Variants in LGSN observed in about 807,000 individuals in gnomAD.
LGSN encodes the protein lengsin, lens protein with glutamine synthetase domain.
Under a neutral mutation model 19.5 loss-of-function variants are expected in LGSN, and 21 were observed. The ratio of observed to expected loss-of-function variants is 1.07; its 90% CI spans 0.76 to 1.55. The LOEUF (loss-of-function observed/expected upper bound fraction) is 1.55. LGSN is among the 40% of genes most tolerant of loss of function. The probability of loss-of-function intolerance (pLI) is 0.00; values close to 1 mark genes in which losing one functional copy is unlikely to be tolerated. For synonymous variants in LGSN, 257 were observed against 215.6 expected, an observed-to-expected ratio of 1.19 and a Z score of -1.68; for missense variants, 673 against 608.5, an observed-to-expected ratio of 1.11 and a Z score of -1.12.
the LGSN span, among the ~76,000 whole-genome samples, chr6:63,521,366 A>C: frequency 6.6e-6 from 1 of 152,216 alleles, no homozygotes; most frequent in Non-Finnish European, 1.5e-5. Context: ...AGTCAGACAG[A>C]TTTCAATTCA....
chr6:63,292,127 C>T (rs1767796230), intron 2 of LGSN, among the ~76,000 whole-genome samples: 1 of 152,262 alleles, frequency 6.6e-6, no homozygotes, highest in East Asian at 1.9e-4. Context: ...GAACTGGATT[C>T]TCTCAACAAT....
chr6:63,405,240 A>C, the LGSN span, among the ~76,000 whole-genome samples: 5 of 151,898 alleles, frequency 3.3e-5, no homozygotes, highest in African/African-American at 1.2e-4. Context: ...AGTCTTTGCT[A>C]TCGTGAATAG....
the LGSN span, among the ~76,000 whole-genome samples, chr6:63,476,325 C>G: frequency 6.6e-6 from 1 of 152,180 alleles, no homozygotes; most frequent in African/African-American, 2.4e-5. Context: ...TTGAAAAAAC[C>G]AGGACTGTTC....
intron 2 of LGSN, among the ~76,000 whole-genome samples, chr6:63,288,059 T>C (rs1435553968): frequency 6.6e-6 from 1 of 151,242 alleles, no homozygotes; most frequent in Non-Finnish European, 1.5e-5. Context: ...ACAAAATGTT[T>C]TTAAAAAAAC....
At chr6:63,412,718 GGAAAGAAAGAAAGAAAGAAA>G in the LGSN span, among the ~76,000 whole-genome samples, 3 of 54,750 alleles carry the variant, frequency 5.5e-5, no homozygotes, top group Non-Finnish European at 8.8e-5. Context: ...AGGGAAGGAA[GGAAAGAAAGAAAGAAAGAAA>G]GAAAGAAAGA....
At chr6:63,326,836 C>T in the LGSN span, among the ~76,000 whole-genome samples, 9 of 152,306 alleles carry the variant, frequency 5.9e-5, no homozygotes, top group East Asian at 1.2e-3. Flanking sequence ...ACGCCTCTCC[C>T]TCCACACCTC....
intron 2 of LGSN, among the ~76,000 whole-genome samples, chr6:63,292,147 C>T (rs1298322552): frequency 1.3e-5 from 2 of 152,178 alleles, no homozygotes; most frequent in African/African-American, 4.8e-5. Flanking sequence ...TCTGAATGAA[C>T]TTGTAAATGT....
chr6:63,320,899 C>T (rs1042450275), upstream of LGSN, among the ~76,000 whole-genome samples: 1 of 152,160 alleles, frequency 6.6e-6, no homozygotes, highest in Non-Finnish European at 1.5e-5. Flanking sequence ...TTCAAAAGCC[C>T]CATTTCCTAA....
At chr6:63,412,428 A>G in the LGSN span, among the ~76,000 whole-genome samples, 377 of 137,738 alleles carry the variant, frequency 2.7e-3, no homozygotes, top group African/African-American at 7.2e-3. Context: ...GAAAGAAAGA[A>G]AGAAAGAAAG....
chr6:63,285,575 T>C lies in LGSN; in HGVS notation c.330+12A>G, dbSNP rs184231222. ...ATGAAATTACATTTAGTCACAACTG[T>C]GTAAAACTCACTTGAAAAAAGTGTG... is the stretch of plus-strand genomic sequence containing the variant. On this transcript the variant is annotated intron_variant, in intron 3 of 3. Transcript: ENST00000370657. 2 of 1,605,402 alleles carry C rather than the reference T, an allele frequency of 1.2e-6. No homozygotes were observed. The highest frequency in any genetic ancestry group is 2.2e-5 in the East Asian group (1 of 44,786).
the LGSN span, among the ~76,000 whole-genome samples, chr6:63,462,662 T>C: frequency 6.6e-6 from 1 of 152,200 alleles, no homozygotes; most frequent in Non-Finnish European, 1.5e-5. Flanking sequence ...CTAAGAAGTT[T>C]ACTTCAAACT....
rs530029582 is a variant in LGSN, at chr6:63,277,148, T to C, written c.*2873A>G. 6.6e-6 allele frequency: 1 copy of C among 152,306 alleles called. No homozygotes were observed. The highest frequency in any genetic ancestry group is 2.1e-4 in the South Asian group (1 of 4,826). The allele number at this position is 152,306 out of a possible 1,614,324, so 9.4% of individuals were successfully genotyped here. ...TTCACATGGCATCCTGAGTACTGTGTTTTTAAGTTATGCTAATAATGCGAA... is the reference window on the plus strand; with the variant it reads ...TTCACATGGCATCCTGAGTACTGTGCTTTTAAGTTATGCTAATAATGCGAA... On this transcript the variant is annotated 3_prime_UTR_variant, in exon 4 of 4. Transcript: ENST00000370657.
At chr6:63,457,313 T>C in the LGSN span, among the ~76,000 whole-genome samples, 1 of 152,084 alleles carries the variant, frequency 6.6e-6, no homozygotes, top group Admixed American at 6.5e-5. Context: ...GAGACCAGCC[T>C]GGCCAACATG....
At chr6:63,508,998 A>G in the LGSN span, among the ~76,000 whole-genome samples, 1,037 of 151,512 alleles carry the variant, frequency 6.8e-3, 8 homozygotes, top group African/African-American at 0.023. Flanking sequence ...ACCTTATAAT[A>G]ATTATTTATA....
chr6:63,385,860 T>A, the LGSN span, among the ~76,000 whole-genome samples: 1 of 152,314 alleles, frequency 6.6e-6, no homozygotes, highest in Non-Finnish European at 1.5e-5. Context: ...ATCTGTGTTA[T>A]GCTCTGTTTA....
At chr6:63,422,195 T>G in the LGSN span, among the ~76,000 whole-genome samples, 17 of 152,180 alleles carry the variant, frequency 1.1e-4, no homozygotes, top group Non-Finnish European at 1.9e-4. Flanking sequence ...TCCCTAGAAG[T>G]TGGGACTATA....
the LGSN span, among the ~76,000 whole-genome samples, chr6:63,367,055 A>G: frequency 6.6e-6 from 1 of 152,168 alleles, no homozygotes; most frequent in African/African-American, 2.4e-5. Flanking sequence ...CTAAAACACC[A>G]AAAGCAAAGG....
At chr6:63,443,162 G>A in the LGSN span, among the ~76,000 whole-genome samples, 1 of 152,220 alleles carries the variant, frequency 6.6e-6, no homozygotes, top group Non-Finnish European at 1.5e-5. Flanking sequence ...GGGACCCGGT[G>A]CCCCCTCCAC....
At chr6:63,333,945 C>CA in the LGSN span, among the ~76,000 whole-genome samples, 1 of 152,238 alleles carries the variant, frequency 6.6e-6, no homozygotes, top group East Asian at 1.9e-4. Context: ...TTAAAGCTCT[C>CA]AAAAAACTTG....
Sources: allele counts gnomAD v4.1 joint callset (sites outside exome capture counted in the v4.1 genomes callset), GRCh38; gene constraint gnomAD v4.1.1; transcripts MANE v1.5; gene names NCBI Gene and HGNC (gene_info 2026-07-23, HGNC 2026-07-21).